Variants in GRIA4 observed in about 807,000 individuals in gnomAD.
The protein encoded by GRIA4 is glutamate receptor 4.
In GRIA4, 34 loss-of-function variants were observed where a neutral mutation model predicts 104.0. The ratio of observed to expected loss-of-function variants is 0.33; its 90% confidence interval spans 0.25 to 0.44. GRIA4 has a LOEUF of 0.44. GRIA4 is among the 20% of genes least tolerant of loss of function. The pLI, the probability that GRIA4 is intolerant of heterozygous loss-of-function variation, is 1.00. For missense variants in GRIA4, 750 were observed against 1,096.5 expected, an observed-to-expected ratio of 0.68 and a Z score of 4.46; for synonymous variants, 386 against 381.9, an observed-to-expected ratio of 1.01 and a Z score of -0.13.
At chr11:105,674,412 T>G (rs962074864) in intron 3 of GRIA4, among the ~76,000 whole-genome samples, 9 of 151,716 alleles carry the variant, frequency 5.9e-5, no homozygotes, top group Admixed American at 1.3e-4. Flanking sequence ...CTAGATGATC[T>G]AGAAACATAT....
At chr11:105,671,359 T>C (rs1283485004) in intron 3 of GRIA4, among the ~76,000 whole-genome samples, 6 of 151,934 alleles carry the variant, frequency 3.9e-5, no homozygotes, top group Admixed American at 2.0e-4. Context: ...ACTTTGATAA[T>C]AGATCAAATG....
intron 4 of GRIA4, among the ~76,000 whole-genome samples, chr11:105,775,186 AC>A (rs944417178): frequency 5.3e-5 from 8 of 152,068 alleles, no homozygotes; most frequent in Middle Eastern, 3.4e-3. Flanking sequence ...CATCCCTCTT[AC>A]CAGGACAATT....
intron 5 of GRIA4, among the ~76,000 whole-genome samples, chr11:105,879,719 A>C (rs1945975821): frequency 6.6e-6 from 1 of 152,206 alleles, no homozygotes; most frequent in African/African-American, 2.4e-5. Context: ...ATTTGTAAGG[A>C]AAGAATTGTG....
intron 3 of GRIA4, among the ~76,000 whole-genome samples, chr11:105,709,045 C>T (rs563494417): frequency 6.6e-6 from 1 of 152,000 alleles, no homozygotes; most frequent in South Asian, 2.1e-4. Context: ...AGTAAAATGG[C>T]TGATTATATC....
chr11:105,913,527 G>A lies in GRIA4; in HGVS notation c.1269+2982G>A, dbSNP rs140407825. On this transcript the variant is annotated intron_variant, in intron 10 of 16. Coordinates refer to ENST00000282499, the MANE Select transcript of GRIA4 (RefSeq NM_000829.4). Reference sequence around the variant, plus strand: ...TGTGACCATATTGATTTAACTTTTTGTATTAAAAGTAATCATTTCTGCAAA... The same window carrying A: ...TGTGACCATATTGATTTAACTTTTTATATTAAAAGTAATCATTTCTGCAAA... 5.7e-4 allele frequency: 451 copies of A among 794,888 alleles called. 4 individuals carry two copies. In the African/African-American group the frequency reaches 7.8e-3, roughly 14 times the overall value. The allele number at this position is 794,888 out of a possible 1,614,324, so 49.2% of individuals were successfully genotyped here. A position where few individuals can be genotyped will look rare whatever the true frequency, so the allele number is the denominator to read the frequency against.
At chr11:105,910,785 A>C (rs955054035) in intron 10 of GRIA4, among the ~76,000 whole-genome samples, 1 of 152,136 alleles carries the variant, frequency 6.6e-6, no homozygotes, top group Non-Finnish European at 1.5e-5. Context: ...CAGATGTTAA[A>C]AATTGAGACT....
intron 4 of GRIA4, among the ~76,000 whole-genome samples, chr11:105,768,743 A>G (rs774184743): frequency 6.6e-6 from 1 of 152,068 alleles, no homozygotes; most frequent in Non-Finnish European, 1.5e-5. Context: ...ACAAATGTTC[A>G]TAGATTATTT....
intron 4 of GRIA4, among the ~76,000 whole-genome samples, chr11:105,760,599 CATA>C (rs1397641470): frequency 6.6e-6 from 1 of 152,076 alleles, no homozygotes; most frequent in East Asian, 1.9e-4. Context: ...GATGAGTTTG[CATA>C]ATGTTTAAAT....
chr11:105,811,276 T>A (rs1272233543), intron 4 of GRIA4, among the ~76,000 whole-genome samples: 2 of 152,122 alleles, frequency 1.3e-5, no homozygotes, highest in Non-Finnish European at 2.9e-5. Context: ...CCTTCACCAG[T>A]CTTAGACTAT....
At chr11:105,697,204 T>C (rs940577132) in intron 3 of GRIA4, among the ~76,000 whole-genome samples, 2 of 152,136 alleles carry the variant, frequency 1.3e-5, no homozygotes, top group African/African-American at 4.8e-5. Context: ...GTTTTGGTGG[T>C]ATGAGAAAAG....
chr11:105,830,772 G>A (rs1455863327), intron 4 of GRIA4, among the ~76,000 whole-genome samples: 2 of 151,868 alleles, frequency 1.3e-5, no homozygotes, highest in African/African-American at 4.8e-5. Context: ...CCAGGCAAAG[G>A]GCCTGTTTGA....
chr11:105,633,930 A>T (rs994394106), intron 3 of GRIA4, among the ~76,000 whole-genome samples: 1 of 152,184 alleles, frequency 6.6e-6, no homozygotes, highest in East Asian at 1.9e-4. Context: ...TGTTAAAAAC[A>T]GTTTCTTCCA....
At chr11:105,645,417 G>T (rs1428384758) in intron 3 of GRIA4, among the ~76,000 whole-genome samples, 1 of 152,138 alleles carries the variant, frequency 6.6e-6, no homozygotes, top group Non-Finnish European at 1.5e-5. Flanking sequence ...CCTTCAAGCA[G>T]CTGAATAACC....
chr11:105,677,648 C>T (rs933105547), intron 3 of GRIA4, among the ~76,000 whole-genome samples: 15 of 152,062 alleles, frequency 9.9e-5, no homozygotes, highest in African/African-American at 3.4e-4. Flanking sequence ...CTCTCAAACT[C>T]CTCATCTTTC....
intron 3 of GRIA4, among the ~76,000 whole-genome samples, chr11:105,691,278 G>C (rs1208277312): frequency 6.6e-6 from 1 of 152,090 alleles, no homozygotes; most frequent in Non-Finnish European, 1.5e-5. Flanking sequence ...TGATCAGAGT[G>C]ACAAGACTGA....
chr11:105,878,244 G>A (rs1467360946), intron 5 of GRIA4, among the ~76,000 whole-genome samples: 2 of 152,194 alleles, frequency 1.3e-5, no homozygotes, highest in East Asian at 3.9e-4. Flanking sequence ...ACCAGTGGAG[G>A]CTGCAGAATA....
At chr11:105,749,658 G>A (rs1047402429) in intron 3 of GRIA4, among the ~76,000 whole-genome samples, 1 of 151,912 alleles carries the variant, frequency 6.6e-6, no homozygotes. Flanking sequence ...GCATCTGGAA[G>A]GTGGCATCTG....
At chr11:105,929,108 C>A (rs145584674) in intron 13 of GRIA4, among the ~76,000 whole-genome samples, 1 of 152,128 alleles carries the variant, frequency 6.6e-6, no homozygotes, top group African/African-American at 2.4e-5. Context: ...AATTTGGGTT[C>A]TTTGATAAAA....
At chr11:105,879,722 G>A (rs990988933) in intron 5 of GRIA4, among the ~76,000 whole-genome samples, 7 of 152,170 alleles carry the variant, frequency 4.6e-5, no homozygotes, top group African/African-American at 1.7e-4. Context: ...TGTAAGGAAA[G>A]AATTGTGTCT....
Sources: allele counts gnomAD v4.1 joint callset (sites outside exome capture counted in the v4.1 genomes callset), GRCh38; gene constraint gnomAD v4.1.1; transcripts MANE v1.5; gene names NCBI Gene and HGNC (gene_info 2026-07-23, HGNC 2026-07-21).